The following LRRTM4 variants were observed in gnomAD, a reference collection of about 807,000 sequenced individuals.
LRRTM4 encodes leucine rich repeat transmembrane neuronal 4.
LRRTM4 carries 25 observed loss-of-function variants against 47.6 expected under a neutral mutation model. That is an observed-to-expected ratio of 0.53 (90% CI 0.38 to 0.73). The LOEUF (loss-of-function observed/expected upper bound fraction) is 0.73. Ranked by LOEUF, LRRTM4 falls within the 30% of genes least tolerant of loss-of-function variation. The probability of loss-of-function intolerance (pLI) is 0.00; values close to 1 mark genes in which losing one functional copy is unlikely to be tolerated. For synonymous variants in LRRTM4, 311 were observed against 269.5 expected, an observed-to-expected ratio of 1.15 and a Z score of -1.51; for missense variants, 638 against 713.4, an observed-to-expected ratio of 0.89 and a Z score of 1.20.
At chr2:77,073,500 T>C (rs1680231871) in intron 3 of LRRTM4, among the ~76,000 whole-genome samples, 1 of 152,088 alleles carries the variant, frequency 6.6e-6, no homozygotes, top group Non-Finnish European at 1.5e-5. Flanking sequence ...TATAATTCCT[T>C]CTATGAAAAT....
At chr2:77,351,514 C>G (rs755851446) in intron 3 of LRRTM4, among the ~76,000 whole-genome samples, 1 of 151,140 alleles carries the variant, frequency 6.6e-6, no homozygotes, top group Admixed American at 6.6e-5. Flanking sequence ...TTAAAGACTA[C>G]GCAGAAATAA....
intron 3 of LRRTM4, among the ~76,000 whole-genome samples, chr2:76,943,704 C>T (rs777273737): frequency 1.3e-5 from 2 of 152,170 alleles, no homozygotes; most frequent in East Asian, 3.9e-4. Flanking sequence ...AACCTCAGAA[C>T]AACACACACT....
intron 3 of LRRTM4, among the ~76,000 whole-genome samples, chr2:77,020,161 A>G (rs1442215621): frequency 7.4e-6 from 1 of 134,704 alleles, no homozygotes; most frequent in East Asian, 2.2e-4. Flanking sequence ...AGAAATTTTC[A>G]GTTTATAAGT....
chr2:76,921,626 C>T (rs771641468), intron 3 of LRRTM4, among the ~76,000 whole-genome samples: 10 of 151,916 alleles, frequency 6.6e-5, no homozygotes, highest in Non-Finnish European at 1.5e-4. Context: ...CTTTTTATAC[C>T]ATTAAGGACA....
At chr2:77,058,641 A>G (rs1344849284) in intron 3 of LRRTM4, among the ~76,000 whole-genome samples, 1 of 152,092 alleles carries the variant, frequency 6.6e-6, no homozygotes, top group Non-Finnish European at 1.5e-5. Flanking sequence ...TAATTAGAAT[A>G]TTATTCATTT....
At chr2:77,222,063 C>T (rs1239783856) in intron 3 of LRRTM4, among the ~76,000 whole-genome samples, 25 of 152,038 alleles carry the variant, frequency 1.6e-4, no homozygotes, top group Non-Finnish European at 2.6e-4. Flanking sequence ...CACTCAAAAC[C>T]GCTCAACTAC....
At chr2:77,517,180 G>A in intron 3 of LRRTM4, 1 of 984,922 alleles carries the variant, frequency 1.0e-6, no homozygotes, top group East Asian at 1.1e-4. Context: ...TGAAATTTGT[G>A]ACTATTTGTC....
At chr2:76,833,922 A>G (rs1487806478) in intron 3 of LRRTM4, among the ~76,000 whole-genome samples, 1 of 151,734 alleles carries the variant, frequency 6.6e-6, no homozygotes, top group African/African-American at 2.4e-5. Flanking sequence ...ATGCCATTAA[A>G]TATCCTTCAT....
chr2:76,850,038 T>A (rs1424159707), intron 3 of LRRTM4, among the ~76,000 whole-genome samples: 10 of 145,194 alleles, frequency 6.9e-5, no homozygotes, highest in Non-Finnish European at 4.4e-5. Flanking sequence ...CATTTGTTAC[T>A]GATAGATAAT....
intron 3 of LRRTM4, among the ~76,000 whole-genome samples, chr2:76,895,257 T>G (rs1356931118): frequency 5.9e-5 from 9 of 152,066 alleles, no homozygotes; most frequent in Admixed American, 4.6e-4. Flanking sequence ...AAGTGCTTCA[T>G]ATTCAAATAA....
chr2:77,336,998 T>C (rs1671191440), intron 3 of LRRTM4, among the ~76,000 whole-genome samples: 1 of 152,052 alleles, frequency 6.6e-6, no homozygotes. Context: ...CTTTTAGACC[T>C]GAGGACAAAC....
intron 3 of LRRTM4, among the ~76,000 whole-genome samples, chr2:77,484,219 A>G (rs916420389): frequency 1.4e-4 from 21 of 152,254 alleles, no homozygotes; most frequent in Non-Finnish European, 1.9e-4. Context: ...CCACTGGGTA[A>G]CTAAGCACTT....
At chr2:77,243,869 A>T (rs1386608342) in intron 3 of LRRTM4, among the ~76,000 whole-genome samples, 8 of 138,900 alleles carry the variant, frequency 5.8e-5, no homozygotes, top group Non-Finnish European at 1.1e-4. Context: ...CGCTGCACCC[A>T]CTAACTCGTC....
At chr2:77,313,293 T>A (rs1036970221) in intron 3 of LRRTM4, among the ~76,000 whole-genome samples, 2 of 133,636 alleles carry the variant, frequency 1.5e-5, no homozygotes, top group Non-Finnish European at 1.6e-5. Flanking sequence ...CCCCCCTAAC[T>A]TTTCCTGGGA....
intron 3 of LRRTM4, among the ~76,000 whole-genome samples, chr2:77,326,928 A>G (rs944184886): frequency 6.6e-6 from 1 of 152,032 alleles, no homozygotes; most frequent in Non-Finnish European, 1.5e-5. Context: ...ATGTGCTTCC[A>G]TTTTCCTCTC....
intron 3 of LRRTM4, among the ~76,000 whole-genome samples, chr2:77,295,835 A>G (rs1676958714): frequency 6.6e-6 from 1 of 152,124 alleles, no homozygotes; most frequent in Non-Finnish European, 1.5e-5. Flanking sequence ...TTTTAATTTA[A>G]TTGCTTCTTT....
At chr2:77,014,962 A>T (rs535129301) in intron 3 of LRRTM4, among the ~76,000 whole-genome samples, 3 of 152,240 alleles carry the variant, frequency 2.0e-5, no homozygotes, top group Non-Finnish European at 4.4e-5. Flanking sequence ...TACTGTCTTT[A>T]GTAATTGGAT....
At chr2:77,481,461 T>C (rs972053649) in intron 3 of LRRTM4, among the ~76,000 whole-genome samples, 3 of 152,186 alleles carry the variant, frequency 2.0e-5, no homozygotes, top group Non-Finnish European at 2.9e-5. Flanking sequence ...TTAGGGTAAA[T>C]GGATTCTACC....
At chr2:77,090,177 C>G (rs528116279) in intron 3 of LRRTM4, among the ~76,000 whole-genome samples, 1 of 152,286 alleles carries the variant, frequency 6.6e-6, no homozygotes, top group East Asian at 1.9e-4. Flanking sequence ...CGTTCCGTGA[C>G]TAGCCCTCCC....
Sources: allele counts gnomAD v4.1 joint callset (sites outside exome capture counted in the v4.1 genomes callset), GRCh38; gene constraint gnomAD v4.1.1; transcripts MANE v1.5; gene names NCBI Gene and HGNC (gene_info 2026-07-23, HGNC 2026-07-21).